Variants in GAD1 observed in about 807,000 individuals in gnomAD.
GAD1 encodes 67 kDa glutamic acid decarboxylase.
GAD1 carries 35 observed loss-of-function variants against 75.2 expected under a neutral mutation model. That is an observed-to-expected ratio of 0.47 (90% CI 0.36 to 0.62). GAD1 has a LOEUF of 0.62. Among genes scored for constraint, GAD1 ranks in the 20% least tolerant of loss-of-function variants. The probability of loss-of-function intolerance (pLI) is 0.00; values close to 1 mark genes in which losing one functional copy is unlikely to be tolerated. For missense variants in GAD1, 490 were observed against 758.5 expected, an observed-to-expected ratio of 0.65 and a Z score of 4.16; for synonymous variants, 257 against 271.9, an observed-to-expected ratio of 0.95 and a Z score of 0.54.
intron 2 of GAD1, among the ~76,000 whole-genome samples, chr2:170,820,514 GC>G (rs1278423742): frequency 6.6e-6 from 1 of 152,162 alleles, no homozygotes; most frequent in Non-Finnish European, 1.5e-5. Context: ...ACCTTTGCCC[GC>G]CCAGCTGGCT....
chr2:170,845,653 G>T (rs1559282299), intron 8 of GAD1, 32 bp downstream of exon 8: 2 of 1,612,000 alleles, frequency 1.2e-6, no homozygotes, highest in Non-Finnish European at 8.5e-7. Flanking sequence ...ATGGATAGTG[G>T]TGTTTTTTAG....
intron 7 of GAD1, among the ~76,000 whole-genome samples, chr2:170,845,096 T>G (rs1012188094): frequency 2.0e-5 from 3 of 152,254 alleles, no homozygotes; most frequent in Non-Finnish European, 4.4e-5. Flanking sequence ...TCCGTTACTC[T>G]TTCTTTCTCT....
intron 2 of GAD1, among the ~76,000 whole-genome samples, chr2:170,819,697 A>G (rs1370258421): frequency 6.6e-6 from 1 of 151,168 alleles, no homozygotes; most frequent in Non-Finnish European, 1.5e-5. Flanking sequence ...TCCCCCATTT[A>G]TTTATTTCTG....
At chr2:170,835,746 T>C (rs1702354517) in intron 5 of GAD1, among the ~76,000 whole-genome samples, 1 of 152,228 alleles carries the variant, frequency 6.6e-6, no homozygotes, top group South Asian at 2.1e-4. Flanking sequence ...TTTAAATGGA[T>C]ATTGCATATA....
chr2:170,857,386 T>C (rs935415792), intron 15 of GAD1, among the ~76,000 whole-genome samples: 1 of 152,076 alleles, frequency 6.6e-6, no homozygotes, highest in Non-Finnish European at 1.5e-5. Flanking sequence ...AGACAAGAGG[T>C]CTTTCCTTGA....
chr2:170,849,550 A>T (rs575730403), intron 12 of GAD1, among the ~76,000 whole-genome samples, 200 bp downstream of exon 12: 2 of 152,324 alleles, frequency 1.3e-5, no homozygotes, highest in South Asian at 4.1e-4. Flanking sequence ...TTCACAATTT[A>T]GAAAGAAAGA....
chr2:170,814,390 A>G (rs1328008604), upstream of GAD1, among the ~76,000 whole-genome samples: 1 of 152,180 alleles, frequency 6.6e-6, no homozygotes, highest in Admixed American at 6.5e-5. Context: ...TCTATGCCCT[A>G]CCTCAAAACT....
At chr2:170,836,964 CTATTT>C in intron 6 of GAD1, 81 bp downstream of exon 6, 1 of 966,130 alleles carries the variant, frequency 1.0e-6, no homozygotes, top group South Asian at 1.4e-5. Context: ...CCCAGTGGTT[CTATTT>C]TATTAAAGTT....
At chr2:170,828,475 CTTGA>C in intron 3 of GAD1, among the ~76,000 whole-genome samples, 3 of 83,632 alleles carry the variant, frequency 3.6e-5, no homozygotes, top group Admixed American at 1.2e-4. Context: ...CTCTGCTGTC[CTTGA>C]TCTCCTCCCT....
Position 170,860,432 on chromosome 2 carries a change from G to A in GAD1, c.*550G>A, listed in dbSNP as rs1702940722. The A allele has an allele frequency of 6.3e-6, 1 of 157,586 alleles. No individual in the cohort carries two copies. The highest frequency in any genetic ancestry group is 6.0e-5 in the Admixed American group (1 of 16,594). 9.8% of individuals were successfully genotyped at this position (157,586 alleles called of 1,614,324 possible). On this transcript the variant is annotated 3_prime_UTR_variant, in exon 17 of 17. Coordinates refer to ENST00000358196, the MANE Select transcript of GAD1 (RefSeq NM_000817.3). ...CCTGTTAGGGGAAAATAGTAGCAGA[G>A]TCATTGTTACAGGTGTACTATGGCT...
intron 3 of GAD1, among the ~76,000 whole-genome samples, chr2:170,828,253 C>T (rs1343265397): frequency 7.6e-6 from 1 of 131,646 alleles, no homozygotes; most frequent in Non-Finnish European, 1.6e-5. Flanking sequence ...CCCCTCCTCT[C>T]TCTGCTGTCC....
intron 11 of GAD1, among the ~76,000 whole-genome samples, chr2:170,848,064 G>C (rs1292357243): frequency 6.6e-6 from 1 of 152,164 alleles, no homozygotes; most frequent in African/African-American, 2.4e-5. Context: ...AGGTAGCTTT[G>C]TTGGGACAAG....
intron 4 of GAD1, among the ~76,000 whole-genome samples, chr2:170,830,635 A>G (rs895469445): frequency 6.6e-6 from 1 of 152,184 alleles, no homozygotes; most frequent in African/African-American, 2.4e-5. Flanking sequence ...TGCCCCCTCC[A>G]TCACACTCCT....
chr2:170,850,727 TA>T (rs1702729406), intron 12 of GAD1, among the ~76,000 whole-genome samples: 1 of 152,130 alleles, frequency 6.6e-6, no homozygotes, highest in African/African-American at 2.4e-5. Context: ...GAGGATAATG[TA>T]AAAAATCTGG....
chr2:170,819,014 G>A (rs1367368501), intron 2 of GAD1, among the ~76,000 whole-genome samples: 1 of 152,108 alleles, frequency 6.6e-6, no homozygotes, highest in East Asian at 1.9e-4. Context: ...CGCAGGGGGC[G>A]GAATGAAGAG....
In GAD1 at chr2:170,829,472, T is replaced by C. The variant is rs1053332688; in HGVS notation, c.146-3T>C. On this transcript the variant is annotated splice_polypyrimidine_tract_variant and splice_region_variant and intron_variant, in intron 3 of 16. Coordinates refer to ENST00000358196, the MANE Select transcript of GAD1 (RefSeq NM_000817.3). ...TCTCTCTGACCAGCTTCTTGTGCCATAGGCTTCTTGCAAAGGACCAACAGC... is the reference window on the plus strand; with the variant it reads ...TCTCTCTGACCAGCTTCTTGTGCCACAGGCTTCTTGCAAAGGACCAACAGC... 5.6e-6 allele frequency: 9 copies of C among 1,612,624 alleles called. No individual in the cohort carries two copies. The highest frequency in any genetic ancestry group is 3.3e-5 in the South Asian group (3 of 91,020).
At chr2:170,814,570 A>C (rs1701663479), upstream of GAD1, among the ~76,000 whole-genome samples, 1 of 152,238 alleles carries the variant, frequency 6.6e-6, no homozygotes, top group South Asian at 2.1e-4. Flanking sequence ...GTGCAGGATA[A>C]TATAAACCGC....
intron 2 of GAD1, among the ~76,000 whole-genome samples, chr2:170,819,625 AGT>A (rs1346509642): frequency 6.6e-6 from 1 of 152,082 alleles, no homozygotes; most frequent in African/African-American, 2.4e-5. Context: ...GGAGTGAAGA[AGT>A]GTCTCCTGAC....
intron 3 of GAD1, among the ~76,000 whole-genome samples, chr2:170,828,125 A>C (rs868428126): frequency 6.5e-5 from 7 of 108,094 alleles, no homozygotes; most frequent in East Asian, 3.0e-4. Context: ...TGCTGTCCTC[A>C]CCCTCCTCCC....
Sources: gnomAD v4.1 joint callset for allele counts (sites outside exome capture counted in the v4.1 genomes callset) on GRCh38, gnomAD v4.1.1 for gene constraint, MANE v1.5 for transcripts, NCBI Gene and HGNC (gene_info 2026-07-23, HGNC 2026-07-21) for gene names.